MARCHF10: variants seen among roughly 807,000 people sequenced by gnomAD.
MARCHF10 encodes membrane associated ring-CH-type finger 10.
A neutral mutation model predicts 76.2 loss-of-function variants in MARCHF10; 64 were observed. That is an observed-to-expected ratio of 0.84 (90% CI 0.69 to 1.03). The LOEUF is 1.03. MARCHF10 is among the 50% of genes least tolerant of loss of function. The pLI is 0.00. For synonymous variants in MARCHF10, 340 were observed against 357.5 expected, an observed-to-expected ratio of 0.95 and a Z score of 0.55; for missense variants, 875 against 958.0, an observed-to-expected ratio of 0.91 and a Z score of 1.14.
chr17:62,801,668 T>C lies in MARCHF10; in HGVS notation c.68A>G (p.His23Arg), dbSNP rs2148213247. ...TACCTGATACTCAGAGTCCACCTTATGCTGCATGTCCCGCAGATACTGAAC... is the reference window on the plus strand; with the variant it reads ...TACCTGATACTCAGAGTCCACCTTACGCTGCATGTCCCGCAGATACTGAAC... ...SDVQYLRDMQHKVDSEYQACL... is the reference protein window; with the variant it reads ...SDVQYLRDMQRKVDSEYQACL... The change falls in exon 2 of 11, where the codon CAT becomes CGT. Residue 23 changes from histidine to arginine, a missense_variant. Transcript: ENST00000311269. The C allele has an allele frequency of 6.2e-7, 1 of 1,614,192 alleles. No individual in the cohort carries two copies. The highest frequency in any genetic ancestry group is 8.5e-7 in the Non-Finnish European group (1 of 1,180,024).
chr17:62,702,712 C>T (rs1012812686), intron 10 of MARCHF10, among the ~76,000 whole-genome samples: 11 of 152,132 alleles, frequency 7.2e-5, no homozygotes, highest in African/African-American at 2.4e-4. Flanking sequence ...AAAGTTTCTG[C>T]CTGTTGTGGA....
intron 6 of MARCHF10, among the ~76,000 whole-genome samples, chr17:62,730,221 C>A (rs376728668): frequency 1.3e-5 from 2 of 151,764 alleles, no homozygotes; most frequent in African/African-American, 4.8e-5. Context: ...ACAACAAAAC[C>A]CCAAAAAACA....
At chr17:62,746,505 G>A (rs541085654) in intron 4 of MARCHF10, among the ~76,000 whole-genome samples, 1 of 152,116 alleles carries the variant, frequency 6.6e-6, no homozygotes, top group Non-Finnish European at 1.5e-5. Context: ...TACACTAAGG[G>A]ATCCATCACT....
chr17:62,776,452 C>A (rs777327741), intron 3 of MARCHF10, among the ~76,000 whole-genome samples: 1 of 152,210 alleles, frequency 6.6e-6, no homozygotes, highest in African/African-American at 2.4e-5. Flanking sequence ...GCAATTCAAA[C>A]GGACGGTTCT....
rs1247661159 is a variant in MARCHF10, at chr17:62,711,267, G to A, written c.2292C>T (p.Leu764=). The A allele has an allele frequency of 1.9e-6, 3 of 1,613,928 alleles. No homozygotes were observed. Among genetic ancestry groups the A allele is most frequent in the Non-Finnish European group, 2.5e-6 (3 of 1,179,930 alleles). Residue 764 remains leucine, a synonymous_variant, in exon 9 of 11, where the codon CTC becomes CTT. Coordinates refer to ENST00000311269, the MANE Select transcript of MARCHF10 (RefSeq NM_152598.4). The surrounding 1 kb of genome is among the most constrained non-coding windows in gnomAD (Gnocchi z 4.4). ...CCACCTGGTTGTGGTTGAGCCTCAT[G>A]AGTTCTGCAAACCTCTGCTCATAGA... The part of the protein sequence containing the change: ...LHLYEQRFAE[L]MRLNHNQVER...
intron 2 of MARCHF10, among the ~76,000 whole-genome samples, chr17:62,795,945 A>G (rs1204287486): frequency 6.6e-6 from 1 of 152,118 alleles, no homozygotes; most frequent in Admixed American, 6.5e-5. Flanking sequence ...CCAATTATCT[A>G]AATACACATG....
At chr17:62,722,001 G>A (rs928471142) in intron 8 of MARCHF10, among the ~76,000 whole-genome samples, 5 of 152,068 alleles carry the variant, frequency 3.3e-5, no homozygotes, top group South Asian at 2.1e-4. Flanking sequence ...TCCAACTCTC[G>A]GCCAGGTGTA....
intron 9 of MARCHF10, among the ~76,000 whole-genome samples, chr17:62,709,984 G>A (rs1171325587): frequency 1.3e-5 from 2 of 152,152 alleles, no homozygotes; most frequent in African/African-American, 4.8e-5. Flanking sequence ...GAGTGTCCCT[G>A]GTCCCTCCTG....
intron 3 of MARCHF10, among the ~76,000 whole-genome samples, chr17:62,771,324 CA>C (rs1219192910): frequency 1.3e-5 from 2 of 151,654 alleles, no homozygotes; most frequent in Non-Finnish European, 2.9e-5. Context: ...ACCTCAGCTG[CA>C]ATCTCAGGCA....
intron 5 of MARCHF10, among the ~76,000 whole-genome samples, chr17:62,742,625 C>T (rs1031872096): frequency 4.6e-5 from 7 of 152,004 alleles, no homozygotes; most frequent in African/African-American, 1.7e-4. Flanking sequence ...GAGTCCCATC[C>T]GTGGGTCCAG....
chr17:62,797,552 T>A (rs542319873), intron 2 of MARCHF10, among the ~76,000 whole-genome samples: 2 of 152,320 alleles, frequency 1.3e-5, no homozygotes, highest in East Asian at 3.9e-4. Context: ...GCACAGAGAT[T>A]CCCTTTAGTT....
At chr17:62,790,558 A>G (rs1003482332) in intron 2 of MARCHF10, among the ~76,000 whole-genome samples, 3 of 152,160 alleles carry the variant, frequency 2.0e-5, no homozygotes, top group African/African-American at 7.2e-5. Flanking sequence ...CAAATTATCC[A>G]CTGTCATAGA....
In MARCHF10 at chr17:62,738,808, A is replaced by C. The variant is rs80104429; in HGVS notation, c.536-1476T>G. On this transcript the variant is annotated intron_variant, in intron 5 of 10. Coordinates refer to ENST00000311269, the MANE Select transcript of MARCHF10 (RefSeq NM_152598.4). The surrounding 1 kb of genome is among the most constrained non-coding windows in gnomAD (Gnocchi z 4.0). ...CATCAGCTCTTCTAGAAATCAGTTA[A>C]GCTCTCCTCTCAGGCCCCTCCTGGG... 4.8e-3 allele frequency among the ~76,000 whole-genome samples: 726 copies of C among 152,308 alleles called. 8 individuals carry two copies. Among genetic ancestry groups the C allele is most frequent in the African/African-American group, 0.017 (701 of 41,560 alleles).
At chr17:62,704,412 C>G (rs1035225227) in intron 10 of MARCHF10, among the ~76,000 whole-genome samples, 1 of 152,210 alleles carries the variant, frequency 6.6e-6, no homozygotes, top group Non-Finnish European at 1.5e-5. Flanking sequence ...CGGGCTGGGG[C>G]TCCCGGGCTC....
At position 62,737,139 on chromosome 17, in the gene MARCHF10, A is replaced by G. The variant is rs754649279; in HGVS notation, c.729T>C (p.Asn243=). 6.8e-6 allele frequency: 11 copies of G among 1,613,660 alleles called. No homozygotes were observed. Among genetic ancestry groups the G allele is most frequent in the Non-Finnish European group, 9.3e-6 (11 of 1,179,972 alleles). The change falls in exon 6 of 11, where the codon AAT becomes AAC. Residue 243 remains asparagine, a synonymous_variant. Transcript: ENST00000311269. The part of the protein sequence containing the change: ...PALSQAFQGK[N]SPQVLSEFSG... ...AGAACTCACTCAATACTTGAGGACT[A>G]TTTTTTCCTTGGAAGGCCTGGGACA...
At chr17:62,758,796 A>T (rs2092116399) in intron 4 of MARCHF10, among the ~76,000 whole-genome samples, 1 of 152,220 alleles carries the variant, frequency 6.6e-6, no homozygotes. Flanking sequence ...AATGAATTGC[A>T]CACTGTTGAC....
intron 3 of MARCHF10, among the ~76,000 whole-genome samples, chr17:62,782,158 G>C (rs6504124): frequency 0.97 from 147,345 of 152,004 alleles, 71,457 homozygotes; most frequent in East Asian, 1. Context: ...ACACTGAGCT[G>C]TGGACATTGG....
intron 3 of MARCHF10, among the ~76,000 whole-genome samples, chr17:62,780,126 T>A (rs1289427149): frequency 6.6e-6 from 1 of 151,166 alleles, no homozygotes; most frequent in African/African-American, 2.4e-5. Context: ...AAACAAAAAA[T>A]AATATGGCAG....
intron 6 of MARCHF10, among the ~76,000 whole-genome samples, chr17:62,734,419 G>GCGTGTGA (rs1280723249): frequency 1.8e-4 from 27 of 152,214 alleles, no homozygotes; most frequent in African/African-American, 5.8e-4. Flanking sequence ...GTCTGGGTTT[G>GCGTGTGA]TGTGTGATGT....
Sources: allele counts gnomAD v4.1 joint callset (sites outside exome capture counted in the v4.1 genomes callset), GRCh38; gene constraint gnomAD v4.1.1; non-coding constraint Gnocchi (gnomAD v3.1); transcripts MANE v1.5; gene names NCBI Gene and HGNC (gene_info 2026-07-23, HGNC 2026-07-21).